The following MYO10 variants were observed in gnomAD, a reference collection of about 807,000 sequenced individuals.
MYO10 encodes unconventional myosin-X.
A neutral mutation model predicts 257.3 loss-of-function variants in MYO10; 133 were observed. The ratio of observed to expected loss-of-function variants is 0.52; its 90% CI spans 0.45 to 0.60. The LOEUF (loss-of-function observed/expected upper bound fraction) is 0.60. Ranked by LOEUF, MYO10 falls within the 20% of genes least tolerant of loss-of-function variation. The pLI, the probability that MYO10 is intolerant of heterozygous loss-of-function variation, is 0.00. For missense variants in MYO10, 2,399 were observed against 2,635.7 expected (o/e 0.91, Z 1.97); for synonymous variants, 1,104 against 1,028.6 (o/e 1.07, Z -1.40).
chr5:16,693,603 A>G (rs1402485860), intron 27 of MYO10, among the ~76,000 whole-genome samples: 23 of 152,240 alleles, frequency 1.5e-4, no homozygotes, highest in Non-Finnish European at 1.8e-4. Context: ...TCCTGACTTC[A>G]GGCATTAATT....
intron 17 of MYO10, among the ~76,000 whole-genome samples, chr5:16,759,581 C>T (rs1469374085): frequency 3.3e-5 from 5 of 152,146 alleles, no homozygotes; most frequent in Admixed American, 3.3e-4. Context: ...GGGGTTGAGA[C>T]AGGAAGTTCT....
intron 2 of MYO10, among the ~76,000 whole-genome samples, chr5:16,821,581 A>C (rs971119345): frequency 1.4e-5 from 2 of 147,542 alleles, no homozygotes. Flanking sequence ...ATTCTCCTGC[A>C]TCAGCCTCCC....
At chr5:16,707,887 G>A (rs1443310357) in intron 21 of MYO10, among the ~76,000 whole-genome samples, 1 of 152,196 alleles carries the variant, frequency 6.6e-6, no homozygotes, top group Non-Finnish European at 1.5e-5. Flanking sequence ...GTTCAGACCT[G>A]GAGCCATGTC....
At chr5:16,842,223 T>G (rs1362779135) in intron 2 of MYO10, among the ~76,000 whole-genome samples, 1 of 152,176 alleles carries the variant, frequency 6.6e-6, no homozygotes, top group East Asian at 1.9e-4. Flanking sequence ...GTAGAAGTTG[T>G]ATGCTTGCCT....
chr5:16,857,968 G>A (rs756212229), intron 2 of MYO10, among the ~76,000 whole-genome samples: 4 of 152,174 alleles, frequency 2.6e-5, no homozygotes, highest in African/African-American at 7.2e-5. Flanking sequence ...AGTAATTGGG[G>A]TAAATGAGCC....
chr5:16,793,263 G>C (rs1235762391), intron 4 of MYO10, among the ~76,000 whole-genome samples: 2 of 152,084 alleles, frequency 1.3e-5, no homozygotes, highest in Non-Finnish European at 2.9e-5. Flanking sequence ...AACTCCAACA[G>C]GATGTCAATA....
At chr5:16,692,146 C>G (rs964934940) in intron 27 of MYO10, among the ~76,000 whole-genome samples, 1 of 152,184 alleles carries the variant, frequency 6.6e-6, no homozygotes, top group African/African-American at 2.4e-5. Flanking sequence ...GCAGGCCAGG[C>G]ACAGTGGCTC....
chr5:16,881,814 T>C (rs1156749057), intron 1 of MYO10, among the ~76,000 whole-genome samples: 3 of 152,282 alleles, frequency 2.0e-5, no homozygotes, highest in African/African-American at 7.2e-5. Flanking sequence ...GGCAGACATT[T>C]ACCAGACCAT....
intron 3 of MYO10, among the ~76,000 whole-genome samples, chr5:16,806,908 C>T (rs1281889825): frequency 6.6e-6 from 1 of 152,118 alleles, no homozygotes; most frequent in Admixed American, 6.5e-5. Flanking sequence ...CCCACATGAC[C>T]GCTATGTGCT....
chr5:16,932,911 GT>G (rs1364737453), intron 1 of MYO10, among the ~76,000 whole-genome samples: 18 of 152,230 alleles, frequency 1.2e-4, no homozygotes, highest in Admixed American at 5.9e-4. Flanking sequence ...GGAACTACAG[GT>G]GCATACCACC....
At chr5:16,872,874 A>G (rs1580099163) in intron 2 of MYO10, among the ~76,000 whole-genome samples, 1 of 152,038 alleles carries the variant, frequency 6.6e-6, no homozygotes, top group African/African-American at 2.4e-5. Flanking sequence ...TGATTCAATT[A>G]CCTCCCCTCT....
At chr5:16,717,848 T>C (rs78894071) in intron 19 of MYO10, among the ~76,000 whole-genome samples, 2 of 152,210 alleles carry the variant, frequency 1.3e-5, no homozygotes, top group Non-Finnish European at 1.5e-5. Context: ...CCCACTTTGG[T>C]GGCATTTGAG....
At chr5:16,884,429 C>T (rs1279403018) in intron 1 of MYO10, among the ~76,000 whole-genome samples, 1 of 152,144 alleles carries the variant, frequency 6.6e-6, no homozygotes, top group Non-Finnish European at 1.5e-5. Flanking sequence ...GGTCAAATAA[C>T]TTTGTAATGC....
chr5:16,870,641 C>G (rs1398702089), intron 2 of MYO10, among the ~76,000 whole-genome samples: 1 of 152,060 alleles, frequency 6.6e-6, no homozygotes, highest in Non-Finnish European at 1.5e-5. Flanking sequence ...ACCTGTAATC[C>G]CAGCACTTTG....
chr5:16,720,261 A>T (rs1323620798), intron 19 of MYO10, among the ~76,000 whole-genome samples: 1 of 152,110 alleles, frequency 6.6e-6, no homozygotes, highest in East Asian at 1.9e-4. Flanking sequence ...TGAGCATCAC[A>T]CCGACAGTAA....
intron 40 of MYO10, among the ~76,000 whole-genome samples, chr5:16,667,526 TG>T (rs1736231260): frequency 6.6e-6 from 1 of 152,186 alleles, no homozygotes. Context: ...TGTTGTCTAC[TG>T]GATCTCACCA....
chr5:16,909,382 C>T (rs1745598845), intron 1 of MYO10, among the ~76,000 whole-genome samples: 1 of 151,842 alleles, frequency 6.6e-6, no homozygotes, highest in African/African-American at 2.4e-5. Context: ...TGGTGCACGC[C>T]TGTAATCCCA....
chr5:16,920,257 G>A (rs750323221), intron 1 of MYO10, among the ~76,000 whole-genome samples: 8 of 152,170 alleles, frequency 5.3e-5, no homozygotes, highest in Non-Finnish European at 1.0e-4. Context: ...CTGAGTGACA[G>A]AGCATGACTC....
In MYO10 at chr5:16,674,858, C is replaced by T. The variant is rs1736650892; in HGVS notation, c.4959G>A (p.Leu1653=). 6.2e-7 allele frequency: 1 copy of T among 1,613,684 alleles called. No individual in the cohort carries two copies. The highest frequency in any genetic ancestry group is 1.7e-5 in the Admixed American group (1 of 59,996). Residue 1653 remains leucine, a synonymous_variant, in exon 35 of 41, where the codon CTG becomes CTA. Coordinates refer to ENST00000513610, the MANE Select transcript of MYO10 (RefSeq NM_012334.3). ...RGILKYLKFH[L]KRIREQFPGS... is the part of the protein sequence containing the mutation. ...CCCGTGCCCCCATGCTTTACCTTTT[C>T]AGATGGAACTTGAGATACTTGAGAA...
Sources: gnomAD v4.1 joint callset for allele counts (sites outside exome capture counted in the v4.1 genomes callset) on GRCh38, gnomAD v4.1.1 for gene constraint, MANE v1.5 for transcripts, NCBI Gene and HGNC (gene_info 2026-07-23, HGNC 2026-07-21) for gene names.